The following RORB variants were observed in gnomAD, a reference collection of about 807,000 sequenced individuals.
The protein encoded by RORB is nuclear receptor ROR-beta.
Under a neutral mutation model 59.1 loss-of-function variants are expected in RORB, and 6 were observed. The ratio of observed to expected loss-of-function variants is 0.10; its 90% CI spans 0.06 to 0.20. The LOEUF is 0.20. RORB is among the 10% of genes least tolerant of loss of function. RORB has a pLI of 1.00. For synonymous variants in RORB, 215 were observed against 204.5 expected (o/e 1.05, Z -0.44); for missense variants, 320 against 560.5 (o/e 0.57, Z 4.33).
chr9:74,646,622 A>G (rs548864374), intron 4 of RORB, among the ~76,000 whole-genome samples: 18 of 151,034 alleles, frequency 1.2e-4, no homozygotes, highest in African/African-American at 3.9e-4. Flanking sequence ...TGTACAGATA[A>G]AGAAATTGAG....
intron 1 of RORB, among the ~76,000 whole-genome samples, chr9:74,596,725 C>A (rs1456355966): frequency 1.3e-5 from 2 of 152,200 alleles, no homozygotes; most frequent in Non-Finnish European, 2.9e-5. Context: ...TGAACCCATG[C>A]TTCCCCTGCT....
At chr9:74,677,330 T>C (rs186286811) in intron 9 of RORB, among the ~76,000 whole-genome samples, 9 of 152,322 alleles carry the variant, frequency 5.9e-5, no homozygotes, top group Non-Finnish European at 8.8e-5. Context: ...TGGTACAACA[T>C]TCTCCTTCTT....
intron 1 of RORB, among the ~76,000 whole-genome samples, chr9:74,513,613 C>T (rs1271002806): frequency 1.3e-5 from 2 of 151,614 alleles, no homozygotes; most frequent in Admixed American, 6.6e-5. Context: ...GTGGTATAAC[C>T]TAGTAACTAA....
intron 1 of RORB, among the ~76,000 whole-genome samples, chr9:74,623,136 C>T (rs1193001578): frequency 6.6e-6 from 1 of 152,138 alleles, no homozygotes; most frequent in Admixed American, 6.5e-5. Context: ...AAAAGAAGTA[C>T]CATTCAATTT....
chr9:74,563,144 C>A (rs1238482217), intron 1 of RORB, among the ~76,000 whole-genome samples: 1 of 151,422 alleles, frequency 6.6e-6, no homozygotes, highest in African/African-American at 2.4e-5. Context: ...GGAGCCCGAT[C>A]CAGGATCATG....
At chr9:74,661,837 G>A (rs946371534) in intron 5 of RORB, among the ~76,000 whole-genome samples, 6 of 151,776 alleles carry the variant, frequency 4.0e-5, no homozygotes, top group East Asian at 1.9e-4. Context: ...AGTAGAGACA[G>A]GGTTTCACCA....
At chr9:74,589,470 C>G (rs1459084130) in intron 1 of RORB, among the ~76,000 whole-genome samples, 1 of 152,134 alleles carries the variant, frequency 6.6e-6, no homozygotes, top group African/African-American at 2.4e-5. Context: ...CTGGCTTCAA[C>G]CTATGAGACA....
chr9:74,532,848 A>ATGTGTATATATATACACATATATC (rs1826268383), intron 1 of RORB, among the ~76,000 whole-genome samples: 1 of 31,362 alleles, frequency 3.2e-5, no homozygotes, highest in African/African-American at 1.1e-4. Flanking sequence ...ACACATATAT[A>ATGTGTATATATATACACATATATC]TACACATATA....
intron 1 of RORB, among the ~76,000 whole-genome samples, chr9:74,621,450 A>C (rs892564597): frequency 6.6e-6 from 1 of 152,240 alleles, no homozygotes; most frequent in Non-Finnish European, 1.5e-5. Flanking sequence ...ATAATATTTC[A>C]AAGCACAAAT....
intron 1 of RORB, among the ~76,000 whole-genome samples, chr9:74,596,139 C>T (rs995761951): frequency 4.6e-5 from 7 of 152,126 alleles, no homozygotes; most frequent in African/African-American, 9.7e-5. Context: ...ATCCTCATCC[C>T]TTGAAATCCA....
intron 1 of RORB, among the ~76,000 whole-genome samples, chr9:74,558,054 A>G (rs1822335192): frequency 6.6e-6 from 1 of 152,184 alleles, no homozygotes; most frequent in Admixed American, 6.5e-5. Context: ...AACAATTATT[A>G]GCAGATATTT....
chr9:74,627,811 A>G (rs1563957408), intron 1 of RORB, among the ~76,000 whole-genome samples: 1 of 152,122 alleles, frequency 6.6e-6, no homozygotes, highest in African/African-American at 2.4e-5. Context: ...AAAAAAAACC[A>G]TAGTACAAAT....
chr9:74,617,131 T>C (rs1563954116), intron 1 of RORB, among the ~76,000 whole-genome samples: 1 of 146,462 alleles, frequency 6.8e-6, no homozygotes, highest in African/African-American at 2.5e-5. Context: ...GTAATTCAAA[T>C]GTCTAAAAAA....
chr9:74,530,867 T>TC (rs1304703040), intron 1 of RORB, among the ~76,000 whole-genome samples: 2 of 151,716 alleles, frequency 1.3e-5, no homozygotes, highest in East Asian at 1.9e-4. Context: ...ATGCTATCCT[T>TC]CCCCCTACCC....
chr9:74,510,070 T>C (rs141608110), intron 1 of RORB, among the ~76,000 whole-genome samples: 2 of 152,280 alleles, frequency 1.3e-5, no homozygotes, highest in African/African-American at 4.8e-5. Context: ...TTAGTGATTT[T>C]TCAGGCCTCT....
chr9:74,669,151 C>T (rs2118537286), intron 8 of RORB, among the ~76,000 whole-genome samples: 1 of 152,292 alleles, frequency 6.6e-6, no homozygotes, highest in Middle Eastern at 3.4e-3. Context: ...ATTTATGGAT[C>T]AACTAGAACT....
At chr9:74,575,204 T>G (rs1042102191) in intron 1 of RORB, among the ~76,000 whole-genome samples, 4 of 152,096 alleles carry the variant, frequency 2.6e-5, no homozygotes, top group Admixed American at 2.0e-4. Flanking sequence ...CTCTTTAAAA[T>G]TACCCGGTAT....
intron 4 of RORB, among the ~76,000 whole-genome samples, chr9:74,657,854 A>G (rs1370608809): frequency 6.6e-6 from 1 of 151,776 alleles, no homozygotes; most frequent in African/African-American, 2.4e-5. Context: ...AAAATACAAA[A>G]ATTATCCAGG....
chr9:74,649,163 T>G (rs1823950661), intron 4 of RORB, among the ~76,000 whole-genome samples: 2 of 152,056 alleles, frequency 1.3e-5, no homozygotes, highest in South Asian at 4.2e-4. Flanking sequence ...TTGACTAGGC[T>G]GGTCTTGAAC....
Sources: allele counts gnomAD v4.1 joint callset (sites outside exome capture counted in the v4.1 genomes callset), GRCh38; gene constraint gnomAD v4.1.1; transcripts MANE v1.5; gene names NCBI Gene and HGNC (gene_info 2026-07-23, HGNC 2026-07-21).